Variants in OTUD7A observed in about 807,000 individuals in gnomAD.
OTUD7A encodes the protein OTU domain-containing protein 7A.
A neutral mutation model predicts 65.7 loss-of-function variants in OTUD7A; 12 were observed. The ratio of observed to expected loss-of-function variants is 0.18; its 90% CI spans 0.12 to 0.30. The LOEUF (loss-of-function observed/expected upper bound fraction) is 0.30, where lower values mean the gene tolerates loss of function less well. Ranked by LOEUF, OTUD7A falls within the 10% of genes least tolerant of loss-of-function variation. OTUD7A has a pLI of 1.00. For synonymous variants in OTUD7A, 641 were observed against 586.3 expected (o/e 1.09, Z -1.35); for missense variants, 1,148 against 1,304.8 (o/e 0.88, Z 1.85).
intron 3 of OTUD7A, among the ~76,000 whole-genome samples, chr15:31,644,620 T>C (rs1203070445): frequency 3.3e-5 from 5 of 152,238 alleles, no homozygotes; most frequent in Admixed American, 1.3e-4. Flanking sequence ...GGACCACAGG[T>C]ATATGCCACC....
rs116811673 is a variant in OTUD7A at position 31,617,210 on chromosome 15, C to T, written c.151+37886G>A. ...GACTTAGAATAATCGATAACTTGGC[C>T]GGGTGCAGTGGCTCACGCCTGTAAT... is the stretch of plus-strand genomic sequence containing the variant. On this transcript the variant is annotated intron_variant, in intron 3 of 12. Transcript: ENST00000307050. 9.3e-3 allele frequency among the ~76,000 whole-genome samples: 1,415 copies of T among 152,154 alleles called. 23 individuals carry two copies. The highest frequency in any genetic ancestry group is 0.031 in the African/African-American group (1,274 of 41,520).
At chr15:31,609,142 C>CG (rs1195670607) in intron 3 of OTUD7A, among the ~76,000 whole-genome samples, 1 of 152,128 alleles carries the variant, frequency 6.6e-6, no homozygotes, top group African/African-American at 2.4e-5. Context: ...CCACAGGGAT[C>CG]GGGGGGCAGT....
intron 8 of OTUD7A, among the ~76,000 whole-genome samples, chr15:31,510,243 G>T (rs550819115): frequency 6.6e-6 from 1 of 152,228 alleles, no homozygotes; most frequent in South Asian, 2.1e-4. Context: ...TTAGTCGTAA[G>T]AGTTAGGTCC....
chr15:31,804,913 G>A (rs762894647), intron 1 of OTUD7A, among the ~76,000 whole-genome samples: 1 of 152,222 alleles, frequency 6.6e-6, no homozygotes, highest in South Asian at 2.1e-4. Context: ...ATGTGCAGAA[G>A]CAATTGCTAA....
intron 3 of OTUD7A, among the ~76,000 whole-genome samples, chr15:31,588,888 T>C (rs1889629695): frequency 6.6e-6 from 1 of 152,216 alleles, no homozygotes. Context: ...GGAGGGCCTC[T>C]TCCTCTTGGC....
At chr15:31,625,758 G>T (rs2141242644) in intron 3 of OTUD7A, among the ~76,000 whole-genome samples, 1 of 152,180 alleles carries the variant, frequency 6.6e-6, no homozygotes, top group Admixed American at 6.5e-5. Context: ...AAACCACCCA[G>T]ATACCCATTA....
rs554921241 is a variant in OTUD7A at position 31,568,726 on chromosome 15, T to C, written c.331+1292A>G. ...ATCACGGGGGCAGATCCCTCATGAA[T>C]GGCTCGGGCCAACCCCTTGGTGATA... is the stretch of plus-strand genomic sequence containing the variant. On this transcript the variant is annotated intron_variant, in intron 4 of 12. Coordinates refer to ENST00000307050, the MANE Select transcript of OTUD7A (RefSeq NM_001382637.1). Among the ~76,000 whole-genome samples the C allele has an allele frequency of 2.8e-3, 425 of 152,332 alleles. 5 individuals carry two copies. Among genetic ancestry groups the C allele is most frequent in the African/African-American group, 9.8e-3 (409 of 41,576 alleles).
chr15:31,649,523 C>A (rs1431865444), intron 3 of OTUD7A, among the ~76,000 whole-genome samples: 1 of 152,194 alleles, frequency 6.6e-6, no homozygotes. Context: ...CCTCTAAATT[C>A]CTACATTACT....
At chr15:31,832,626 C>T (rs1896961933) in intron 1 of OTUD7A, among the ~76,000 whole-genome samples, 2 of 152,130 alleles carry the variant, frequency 1.3e-5, no homozygotes, top group Non-Finnish European at 1.5e-5. Flanking sequence ...CATCCCTCGT[C>T]GCCCACAATT....
At chr15:31,849,761 A>C (rs1897375624) in intron 1 of OTUD7A, among the ~76,000 whole-genome samples, 1 of 152,252 alleles carries the variant, frequency 6.6e-6, no homozygotes, top group South Asian at 2.1e-4. Flanking sequence ...GACACTTCTC[A>C]AAAGAAGAAA....
intron 3 of OTUD7A, among the ~76,000 whole-genome samples, chr15:31,586,912 C>A (rs1160335955): frequency 6.6e-6 from 1 of 152,074 alleles, no homozygotes; most frequent in Non-Finnish European, 1.5e-5. Context: ...AGGGCTCCAG[C>A]CCCAGGACCA....
At chr15:31,824,353 G>T (rs1896752189) in intron 1 of OTUD7A, among the ~76,000 whole-genome samples, 1 of 152,148 alleles carries the variant, frequency 6.6e-6, no homozygotes, top group Non-Finnish European at 1.5e-5. Flanking sequence ...GATGCTCCAT[G>T]CATGAATGCC....
At chr15:31,556,215 C>T (rs1159598217) in intron 5 of OTUD7A, 3 of 152,236 alleles carry the variant, frequency 2.0e-5, no homozygotes, top group South Asian at 2.1e-4. Flanking sequence ...AGGCAGATCC[C>T]TGATCTTCAG....
At chr15:31,792,169 A>T (rs914052762) in intron 1 of OTUD7A, among the ~76,000 whole-genome samples, 2 of 152,026 alleles carry the variant, frequency 1.3e-5, no homozygotes, top group African/African-American at 4.8e-5. Flanking sequence ...CACATCTCAA[A>T]TCCCTCCACC....
At chr15:31,865,561 G>A (rs1301841671) in intron 1 of OTUD7A, among the ~76,000 whole-genome samples, 1 of 152,198 alleles carries the variant, frequency 6.6e-6, no homozygotes, top group Non-Finnish European at 1.5e-5. Context: ...TAAAATGTGA[G>A]CGCAGAAATT....
In OTUD7A at chr15:31,493,316, G is replaced by A. The variant is rs181408243; in HGVS notation, c.1172-5750C>T. ...GAGGAACATTACATAATGCTAAAGG[G>A]GTCAATTTTCCAAGAAGCCATAATC... On this transcript the variant is annotated intron_variant, in intron 10 of 12. Transcript: ENST00000307050. Among the ~76,000 whole-genome samples, 6 of 152,154 alleles carry A rather than the reference G, an allele frequency of 3.9e-5. No individual in the cohort carries two copies. In the East Asian group the frequency reaches 1.2e-3, roughly 29 times the overall value.
At chr15:31,516,745 A>T (rs537685684) in intron 8 of OTUD7A, among the ~76,000 whole-genome samples, 4 of 152,278 alleles carry the variant, frequency 2.6e-5, no homozygotes, top group African/African-American at 9.6e-5. Context: ...CCATGAACTT[A>T]AAGTGACCCA....
At chr15:31,847,627 G>A (rs758192147) in intron 1 of OTUD7A, among the ~76,000 whole-genome samples, 39 of 152,162 alleles carry the variant, frequency 2.6e-4, no homozygotes, top group African/African-American at 8.9e-4. Context: ...TGATAATGTC[G>A]TGACCATGAA....
chr15:31,605,034 C>T (rs1022109343), intron 3 of OTUD7A, among the ~76,000 whole-genome samples: 63 of 152,194 alleles, frequency 4.1e-4, no homozygotes, highest in African/African-American at 1.4e-3. Context: ...GTGGCTAGGA[C>T]GCATGGCCAG....
Sources: gnomAD v4.1 joint callset for allele counts (sites outside exome capture counted in the v4.1 genomes callset) on GRCh38, gnomAD v4.1.1 for gene constraint, MANE v1.5 for transcripts, NCBI Gene and HGNC (gene_info 2026-07-23, HGNC 2026-07-21) for gene names.